KIAA1217: variants seen among roughly 807,000 people sequenced by gnomAD.
KIAA1217 encodes KIAA1217.
In KIAA1217, 88 loss-of-function variants were observed where a neutral mutation model predicts 163.9. The observed-to-expected ratio is 0.54, with a 90% CI of 0.45 to 0.64. The LOEUF (loss-of-function observed/expected upper bound fraction) is 0.64, where lower values mean the gene tolerates loss of function less well. KIAA1217 is among the 30% of genes least tolerant of loss of function. KIAA1217 has a pLI of 0.00. For missense variants in KIAA1217, 2,372 were observed against 2,475.0 expected (o/e 0.96, Z 0.88); for synonymous variants, 903 against 923.1 (o/e 0.98, Z 0.39).
chr10:23,966,166 T>G (rs1845058588), intron 1 of KIAA1217, among the ~76,000 whole-genome samples: 1 of 152,118 alleles, frequency 6.6e-6, no homozygotes, highest in Non-Finnish European at 1.5e-5. Context: ...CATCTGGAGA[T>G]TCTTAATTTT....
At chr10:24,148,125 T>C (rs2064424440) in intron 2 of KIAA1217, among the ~76,000 whole-genome samples, 1 of 152,108 alleles carries the variant, frequency 6.6e-6, no homozygotes, top group Non-Finnish European at 1.5e-5. Flanking sequence ...TATATGGATA[T>C]TTATCCCTAA....
chr10:23,749,622 G>T (rs1414807574), intron 1 of KIAA1217, among the ~76,000 whole-genome samples: 1 of 152,172 alleles, frequency 6.6e-6, no homozygotes, highest in African/African-American at 2.4e-5. Flanking sequence ...GGCCAGGATG[G>T]TCTTGATCTC....
chr10:24,074,455 T>C (rs1027129877), intron 2 of KIAA1217, among the ~76,000 whole-genome samples: 10 of 152,182 alleles, frequency 6.6e-5, no homozygotes, highest in African/African-American at 2.4e-4. Flanking sequence ...TATTAACCTC[T>C]ATTACCCCCT....
chr10:24,357,475 G>A (rs905201826), intron 2 of KIAA1217, among the ~76,000 whole-genome samples: 2 of 152,174 alleles, frequency 1.3e-5, no homozygotes, highest in African/African-American at 2.4e-5. Context: ...ACTAGGGCCT[G>A]GGCAAGAGTT....
intron 1 of KIAA1217, among the ~76,000 whole-genome samples, chr10:23,849,359 C>T (rs1265069415): frequency 6.6e-6 from 1 of 152,046 alleles, no homozygotes; most frequent in Non-Finnish European, 1.5e-5. Context: ...TCAATATCTG[C>T]TAGTTCTGGT....
intron 1 of KIAA1217, among the ~76,000 whole-genome samples, chr10:23,941,602 G>A (rs1000515255): frequency 6.6e-6 from 1 of 152,168 alleles, no homozygotes; most frequent in Non-Finnish European, 1.5e-5. Flanking sequence ...CCATCTCGGG[G>A]AGGTGACCAC....
At chr10:23,984,980 T>C (rs1845913353) in intron 1 of KIAA1217, among the ~76,000 whole-genome samples, 1 of 152,010 alleles carries the variant, frequency 6.6e-6, no homozygotes, top group African/African-American at 2.4e-5. Flanking sequence ...GTCAGTTCTA[T>C]GTGCCTAAGC....
intron 1 of KIAA1217, among the ~76,000 whole-genome samples, chr10:23,900,469 T>C (rs573092477): frequency 6.6e-6 from 1 of 152,214 alleles, no homozygotes; most frequent in Non-Finnish European, 1.5e-5. Context: ...TATGAGACAG[T>C]CTCAAACAAT....
chr10:23,783,689 T>C (rs1393759390), intron 1 of KIAA1217, among the ~76,000 whole-genome samples: 1 of 152,152 alleles, frequency 6.6e-6, no homozygotes, highest in Non-Finnish European at 1.5e-5. Context: ...TCTCTGGTCA[T>C]GGTTTTGTGG....
chr10:24,542,553 G>A (rs1225181990), intron 17 of KIAA1217, 140 bp from the exon 18 acceptor site: 1 of 1,503,952 alleles, frequency 6.6e-7, no homozygotes, highest in African/African-American at 1.4e-5. Flanking sequence ...GTAAACAGCT[G>A]TAGGCTTTGG....
intron 6 of KIAA1217, among the ~76,000 whole-genome samples, chr10:24,480,241 T>G (rs1245025056): frequency 6.6e-6 from 1 of 152,154 alleles, no homozygotes; most frequent in Non-Finnish European, 1.5e-5. Flanking sequence ...TTTAATAAAA[T>G]AGAGAAATGA....
intron 2 of KIAA1217, among the ~76,000 whole-genome samples, chr10:24,014,880 C>A (rs1006193600): frequency 6.6e-6 from 1 of 151,710 alleles, no homozygotes; most frequent in Non-Finnish European, 1.5e-5. Flanking sequence ...ATAGTCATAC[C>A]CTTTCATATT....
chr10:23,746,043 C>G (rs535107552), intron 1 of KIAA1217, among the ~76,000 whole-genome samples: 8 of 152,250 alleles, frequency 5.3e-5, no homozygotes, highest in Admixed American at 6.5e-5. Flanking sequence ...TTTGTTTGTT[C>G]CCTACAAATC....
chr10:23,965,618 G>A (rs528049137), intron 1 of KIAA1217, among the ~76,000 whole-genome samples: 4 of 152,192 alleles, frequency 2.6e-5, no homozygotes, highest in Admixed American at 6.5e-5. Flanking sequence ...CCATCTCAAG[G>A]TGCTTATCTT....
At chr10:24,181,930 A>G (rs2066188896) in intron 2 of KIAA1217, among the ~76,000 whole-genome samples, 1 of 152,154 alleles carries the variant, frequency 6.6e-6, no homozygotes, top group Non-Finnish European at 1.5e-5. Flanking sequence ...CAGGTGGAAC[A>G]TGCCTGTTCT....
chr10:23,790,531 A>G (rs1467526304), intron 1 of KIAA1217, among the ~76,000 whole-genome samples: 4 of 114,846 alleles, frequency 3.5e-5, no homozygotes, highest in African/African-American at 8.2e-5. Context: ...ATACATATAT[A>G]CATATACATG....
chr10:24,064,895 T>C (rs2060878134), intron 2 of KIAA1217, among the ~76,000 whole-genome samples: 1 of 152,230 alleles, frequency 6.6e-6, no homozygotes, highest in African/African-American at 2.4e-5. Context: ...GAGGAATTTA[T>C]CCATTTCTTC....
At chr10:23,963,080 CA>C (rs1162772437) in intron 1 of KIAA1217, among the ~76,000 whole-genome samples, 1 of 152,084 alleles carries the variant, frequency 6.6e-6, no homozygotes, top group Non-Finnish European at 1.5e-5. Context: ...TTTCGACCTA[CA>C]AAAATAATGG....
At chr10:24,503,925 A>G (rs2068009161) in intron 9 of KIAA1217, among the ~76,000 whole-genome samples, 1 of 152,228 alleles carries the variant, frequency 6.6e-6, no homozygotes, top group Admixed American at 6.5e-5. Context: ...TGCTCTCAAA[A>G]GTGAGCATTT....
Sources: gnomAD v4.1 joint callset for allele counts (sites outside exome capture counted in the v4.1 genomes callset) on GRCh38, gnomAD v4.1.1 for gene constraint, MANE v1.5 for transcripts, NCBI Gene and HGNC (gene_info 2026-07-23, HGNC 2026-07-21) for gene names.